The following C16orf90 variants were observed in gnomAD, a reference collection of about 807,000 sequenced individuals.
C16orf90 encodes the protein uncharacterized protein C16orf90.
A neutral mutation model predicts 17.1 loss-of-function variants in C16orf90; 17 were observed. The ratio of observed to expected loss-of-function variants is 1.00; its 90% CI spans 0.68 to 1.49. The LOEUF (loss-of-function observed/expected upper bound fraction) is 1.49, where lower values mean the gene tolerates loss of function less well. Ranked by LOEUF, C16orf90 falls within the 40% of genes most tolerant of loss-of-function variation. The pLI, the probability that C16orf90 is intolerant of heterozygous loss-of-function variation, is 0.00. For missense variants in C16orf90, 255 were observed against 235.5 expected (o/e 1.08, Z -0.54); for synonymous variants, 108 against 95.8 (o/e 1.13, Z -0.75).
At chr16:3,496,458 C>T (rs990677994), upstream of C16orf90, 33 of 916,262 alleles carry the variant, frequency 3.6e-5, no homozygotes, top group Admixed American at 3.3e-4. Context: ...GTTGTGGGGA[C>T]GCTTAACGGA....
chr16:3,496,287 T>TG, upstream of C16orf90: 1 of 832,724 alleles, frequency 1.2e-6, no homozygotes. Context: ...GGCTGTTTGT[T>TG]GGTCAAGCTG....
chr16:3,495,046 C>G (rs1013509867), intron 1 of C16orf90, among the ~76,000 whole-genome samples, 169 bp from the exon 2 acceptor site: 1 of 152,202 alleles, frequency 6.6e-6, no homozygotes, highest in Non-Finnish European at 1.5e-5. Context: ...CCTCCCCTGC[C>G]CATGCCCAAG....
In C16orf90 at chr16:3,493,717, C is replaced by G; in HGVS notation, c.*122G>C. On this transcript the variant is annotated 3_prime_UTR_variant, in exon 3 of 3. Transcript: ENST00000437192. ...TTCTCCCGAGGCCCAGGCCTGGGCG[C>G]TGGGCCGCTGCCTGGGCCACCCCAT... 1 of 922,644 alleles carries G rather than the reference C, an allele frequency of 1.1e-6. No homozygotes were observed. The highest frequency in any genetic ancestry group is 1.6e-6 in the Non-Finnish European group (1 of 630,516). 57.2% of individuals were successfully genotyped at this position (922,644 alleles called of 1,614,324 possible).
chr16:3,496,625 G>C (rs1017674162), upstream of C16orf90: 1 of 532,342 alleles, frequency 1.9e-6, no homozygotes, highest in Non-Finnish European at 3.7e-6. Context: ...CCTACTCTCC[G>C]GTCTTCGCAA....
chr16:3,493,716 G>T lies in C16orf90; in HGVS notation c.*123C>A. 1.2e-6 allele frequency: 1 copy of T among 861,908 alleles called. No homozygotes were observed. 53.4% of individuals were successfully genotyped at this position (861,908 alleles called of 1,614,324 possible). A position where few individuals can be genotyped will look rare whatever the true frequency, so the allele number is the denominator to read the frequency against. ...ATTCTCCCGAGGCCCAGGCCTGGGC[G>T]CTGGGCCGCTGCCTGGGCCACCCCA... is the stretch of plus-strand genomic sequence containing the variant. On this transcript the variant is annotated 3_prime_UTR_variant, in exon 3 of 3. Coordinates refer to ENST00000437192, the MANE Select transcript of C16orf90 (RefSeq NM_001080524.2).
At chr16:3,496,190 G>A (rs1056056452), upstream of C16orf90, 3 of 539,838 alleles carry the variant, frequency 5.6e-6, no homozygotes. Context: ...GGCCAAGCAG[G>A]AAGCGCCATC....
rs772496770 is a variant in C16orf90, at chr16:3,494,941, A to G, written c.47-64T>C. ...CACAGCAGCCATGAGGGGAGGGTGC[A>G]GTCACATACCTCTGAGACCAGCTCA... On this transcript the variant is annotated intron_variant, in intron 1 of 2. Coordinates refer to ENST00000437192, the MANE Select transcript of C16orf90 (RefSeq NM_001080524.2). 1.3e-4 allele frequency: 155 copies of G among 1,222,082 alleles called. 1 individual carries two copies. Among genetic ancestry groups the G allele is most frequent in the Non-Finnish European group, 1.7e-4 (148 of 896,318 alleles). The allele number at this position is 1,222,082 out of a possible 1,614,324, so 75.7% of individuals were successfully genotyped here.
At chr16:3,495,274 TCTC>T (rs2037292123) in intron 1 of C16orf90, 99 bp downstream of exon 1, 1 of 1,375,166 alleles carries the variant, frequency 7.3e-7, no homozygotes, top group Non-Finnish European at 1.0e-6. Context: ...GCCATTCCCC[TCTC>T]CCAAGCATAC....
chr16:3,494,050 G>T (rs1358832478), intron 2 of C16orf90, 63 bp from the exon 3 acceptor site: 1 of 1,454,852 alleles, frequency 6.9e-7, no homozygotes. Flanking sequence ...GGGGGAGGCT[G>T]GCAGCCCACC....
Position 3,493,794 on chromosome 16 carries a change from C to T in C16orf90, c.*45G>A, listed in dbSNP as rs569937045. 32 of 1,542,074 alleles carry T rather than the reference C, an allele frequency of 2.1e-5. No individual in the cohort carries two copies. Among genetic ancestry groups the T allele is most frequent in the East Asian group, 1.2e-4 (5 of 41,382 alleles). ...GCCCCTCCTGCTCAGGCTGCCTCCT[C>T]GGCCATCCTGCCCCTCCTGTACCCA... On this transcript the variant is annotated 3_prime_UTR_variant, in exon 3 of 3. Transcript: ENST00000437192.
At position 3,494,810 on chromosome 16, in the gene C16orf90, G is replaced by T. The variant is rs764341366; in HGVS notation, c.114C>A (p.Gly38=). Residue 38 remains glycine, a synonymous_variant, in exon 2 of 3, where the codon GGC becomes GGA. Transcript: ENST00000437192. The part of the protein sequence containing the change: ...PDAPPNIYEG[G]LGSPQPQCPS... ...GGCACTGCGGCTGCGGGGACCCCAG[G>T]CCCCCCTCGTAGATGTTGGGGGGTG... The T allele has an allele frequency of 2.5e-6, 4 of 1,572,142 alleles. No homozygotes were observed. The highest frequency in any genetic ancestry group is 2.3e-5 in the South Asian group (2 of 87,940).
At chr16:3,494,344 T>C (rs961413560) in intron 2 of C16orf90, among the ~76,000 whole-genome samples, 180 bp downstream of exon 2, 1 of 152,080 alleles carries the variant, frequency 6.6e-6, no homozygotes, top group Non-Finnish European at 1.5e-5. Flanking sequence ...TGGTGGATTC[T>C]CCAGACCCCG....
chr16:3,496,619 C>T (rs1007583233), upstream of C16orf90: 4 of 532,530 alleles, frequency 7.5e-6, no homozygotes, highest in African/African-American at 7.7e-5. Context: ...CCCCGTCCTA[C>T]TCTCCGGTCT....
At chr16:3,495,661 T>A (rs958887951), upstream of C16orf90, among the ~76,000 whole-genome samples, 2 of 152,236 alleles carry the variant, frequency 1.3e-5, no homozygotes, top group Non-Finnish European at 2.9e-5. Context: ...CTGGTCCCTC[T>A]GGCTGGGGTC....
At chr16:3,494,407 T>C (rs2037274599) in intron 2 of C16orf90, 117 bp downstream of exon 2, 1 of 821,144 alleles carries the variant, frequency 1.2e-6, no homozygotes. Context: ...ATCTTGGCCT[T>C]CTGGGGCATG....
At position 3,494,783 on chromosome 16, in the gene C16orf90, G is replaced by C; in HGVS notation, c.141C>G (p.Pro47=). 1 of 1,592,962 alleles carries C rather than the reference G, an allele frequency of 6.3e-7. No homozygotes were observed. Among genetic ancestry groups the C allele is most frequent in the South Asian group, 1.1e-5 (1 of 90,502 alleles). ...TCTTGGGCTTGCTTCCCTGGGCACT[G>C]GGGCACTGCGGCTGCGGGGACCCCA... ...GGLGSPQPQC[P]SAQGSKPKNF... is the part of the protein sequence containing the mutation. The change falls in exon 2 of 3, where the codon CCC becomes CCG. Residue 47 remains proline (P), a synonymous_variant. Coordinates refer to ENST00000437192, the MANE Select transcript of C16orf90 (RefSeq NM_001080524.2).
At chr16:3,494,048 C>G (rs1596375356) in intron 2 of C16orf90, 61 bp from the exon 3 acceptor site, 2 of 1,474,964 alleles carry the variant, frequency 1.4e-6, no homozygotes, top group Non-Finnish European at 1.8e-6. Flanking sequence ...GGGGGGGAGG[C>G]TGGCAGCCCA....
upstream of C16orf90, chr16:3,496,193 G>C: frequency 1.8e-6 from 1 of 541,590 alleles, no homozygotes; most frequent in South Asian, 1.5e-5. Context: ...CAAGCAGGAA[G>C]CGCCATCATG....
intron 2 of C16orf90, 72 bp from the exon 3 acceptor site, chr16:3,494,059 C>A (rs1206583363): frequency 1.5e-6 from 2 of 1,367,532 alleles, no homozygotes; most frequent in Non-Finnish European, 2.0e-6. Flanking sequence ...TGGCAGCCCA[C>A]CCTGGGGTTT....
Sources: gnomAD v4.1 joint callset for allele counts (sites outside exome capture counted in the v4.1 genomes callset) on GRCh38, gnomAD v4.1.1 for gene constraint, MANE v1.5 for transcripts, NCBI Gene and HGNC (gene_info 2026-07-23, HGNC 2026-07-21) for gene names.